The following SOX6 variants were observed in gnomAD, a reference collection of about 807,000 sequenced individuals.
The protein encoded by SOX6 is transcription factor SOX-6.
A neutral mutation model predicts 97.8 loss-of-function variants in SOX6; 11 were observed. The ratio of observed to expected loss-of-function variants is 0.11; its 90% CI spans 0.07 to 0.19. The LOEUF (loss-of-function observed/expected upper bound fraction) is 0.19. SOX6 is among the 10% of genes least tolerant of loss of function. SOX6 has a pLI of 1.00. For missense variants in SOX6, 810 were observed against 1,039.5 expected (o/e 0.78, Z 3.04); for synonymous variants, 360 against 371.4 (o/e 0.97, Z 0.35).
intron 1 of SOX6, chr11:16,408,666 A>T (rs2133053016): frequency 6.6e-6 from 1 of 151,906 alleles, no homozygotes; most frequent in East Asian, 1.9e-4. Context: ...GAGATGAAAC[A>T]TGGGTCAAAT....
chr11:16,040,481 A>T (rs1258114996), intron 12 of SOX6, among the ~76,000 whole-genome samples: 2 of 152,044 alleles, frequency 1.3e-5, no homozygotes, highest in Non-Finnish European at 1.5e-5. Context: ...CATTAATAAA[A>T]CTTACCTTGC....
At chr11:16,213,707 A>G (rs924274037) in intron 4 of SOX6, among the ~76,000 whole-genome samples, 1 of 152,210 alleles carries the variant, frequency 6.6e-6, no homozygotes, top group Non-Finnish European at 1.5e-5. Flanking sequence ...CCATTCCCAC[A>G]GGATTTTAAT....
chr11:16,499,982 C>G (rs1421268825), intron 4 of SOX6, among the ~76,000 whole-genome samples: 1 of 152,128 alleles, frequency 6.6e-6, no homozygotes, highest in African/African-American at 2.4e-5. Flanking sequence ...CATCCTGATA[C>G]CAAAGCCTGG....
intron 2 of SOX6, among the ~76,000 whole-genome samples, chr11:16,333,336 A>G (rs1197868047): frequency 6.6e-6 from 1 of 152,016 alleles, no homozygotes; most frequent in African/African-American, 2.4e-5. Flanking sequence ...TATAAACATT[A>G]TTTTCTTCAT....
chr11:16,647,098 T>C (rs1392805349), intron 3 of SOX6, among the ~76,000 whole-genome samples: 1 of 152,192 alleles, frequency 6.6e-6, no homozygotes, highest in African/African-American at 2.4e-5. Context: ...TAAGGTAGTA[T>C]TGCATTGTGG....
chr11:16,715,851 A>C (rs542953969), intron 2 of SOX6, among the ~76,000 whole-genome samples: 1 of 152,220 alleles, frequency 6.6e-6, no homozygotes, highest in Non-Finnish European at 1.5e-5. Context: ...AGAAAAAAAA[A>C]TCAACTGCTT....
intron 1 of SOX6, among the ~76,000 whole-genome samples, chr11:16,449,756 T>TC (rs1859686170): frequency 6.6e-6 from 1 of 152,136 alleles, no homozygotes; most frequent in East Asian, 1.9e-4. Context: ...CAGTAAGTCC[T>TC]CCTTTCCTCC....
At chr11:16,188,948 A>G (rs1851558194) in intron 4 of SOX6, among the ~76,000 whole-genome samples, 1 of 152,082 alleles carries the variant, frequency 6.6e-6, no homozygotes, top group Admixed American at 6.5e-5. Context: ...CTGTAGTCCC[A>G]GCTACTTGGG....
intron 12 of SOX6, among the ~76,000 whole-genome samples, chr11:16,040,295 C>A (rs932966514): frequency 2.0e-5 from 3 of 151,896 alleles, no homozygotes; most frequent in African/African-American, 7.3e-5. Flanking sequence ...AAGAAAAGAG[C>A]CAAACAAGTT....
intron 12 of SOX6, among the ~76,000 whole-genome samples, chr11:16,045,832 C>T (rs1362566957): frequency 6.6e-6 from 1 of 152,180 alleles, no homozygotes; most frequent in African/African-American, 2.4e-5. Flanking sequence ...ACACCCTATT[C>T]CTTTAACTTG....
chr11:16,040,680 G>C (rs538104517), intron 12 of SOX6, among the ~76,000 whole-genome samples: 2 of 151,960 alleles, frequency 1.3e-5, no homozygotes, highest in Non-Finnish European at 2.9e-5. Context: ...TGTGTGTCTT[G>C]TTTTAGATTT....
intron 13 of SOX6, among the ~76,000 whole-genome samples, chr11:16,002,177 G>A (rs1005681261): frequency 3.9e-5 from 6 of 152,162 alleles, no homozygotes; most frequent in Non-Finnish European, 8.8e-5. Context: ...TGGCGCAGGA[G>A]TTATAAAGTG....
At chr11:16,620,932 T>C (rs1435101456) in intron 3 of SOX6, among the ~76,000 whole-genome samples, 1 of 152,210 alleles carries the variant, frequency 6.6e-6, no homozygotes, top group Non-Finnish European at 1.5e-5. Context: ...TCCTACTGTT[T>C]CACAAATTTC....
intron 4 of SOX6, among the ~76,000 whole-genome samples, chr11:16,537,150 T>C (rs1861322529): frequency 6.6e-6 from 1 of 152,228 alleles, no homozygotes; most frequent in South Asian, 2.1e-4. Context: ...ATATTTGCTG[T>C]TCTGCACCCA....
chr11:16,188,616 G>T (rs1196757164), intron 4 of SOX6, among the ~76,000 whole-genome samples: 1 of 152,026 alleles, frequency 6.6e-6, no homozygotes, highest in Non-Finnish European at 1.5e-5. Flanking sequence ...ACACAAGAAT[G>T]ATATTTTTTA....
intron 6 of SOX6, among the ~76,000 whole-genome samples, chr11:16,138,356 A>G (rs1298628570): frequency 6.6e-6 from 1 of 152,140 alleles, no homozygotes; most frequent in Non-Finnish European, 1.5e-5. Flanking sequence ...GCCAGGATTC[A>G]AAAAATCAAG....
intron 3 of SOX6, among the ~76,000 whole-genome samples, chr11:16,708,915 CACTT>C (rs1346341445): frequency 6.6e-6 from 1 of 152,162 alleles, no homozygotes; most frequent in Non-Finnish European, 1.5e-5. Flanking sequence ...TCTGGCAAAA[CACTT>C]ACTAATTTAC....
chr11:16,631,204 T>C (rs1281322057), intron 3 of SOX6, among the ~76,000 whole-genome samples: 1 of 151,294 alleles, frequency 6.6e-6, no homozygotes, highest in Non-Finnish European at 1.5e-5. Context: ...TAAGTGTGTT[T>C]TGGTGGTAGA....
At chr11:16,251,439 T>C (rs1853505399) in intron 3 of SOX6, among the ~76,000 whole-genome samples, 1 of 151,278 alleles carries the variant, frequency 6.6e-6, no homozygotes, top group Non-Finnish European at 1.5e-5. Context: ...CATTATTCCA[T>C]ATATATGTAT....
Sources: gnomAD v4.1 joint callset for allele counts (sites outside exome capture counted in the v4.1 genomes callset) on GRCh38, gnomAD v4.1.1 for gene constraint, MANE v1.5 for transcripts, NCBI Gene and HGNC (gene_info 2026-07-23, HGNC 2026-07-21) for gene names.